The following PSMD11 variants were observed in gnomAD, a reference collection of about 807,000 sequenced individuals.
PSMD11 encodes proteasome 26S subunit, non-ATPase 11.
Under a neutral mutation model 62.3 loss-of-function variants are expected in PSMD11, and 5 were observed. The observed-to-expected ratio is 0.08, with a 90% confidence interval of 0.04 to 0.17. The LOEUF (loss-of-function observed/expected upper bound fraction) is 0.17, where lower values mean the gene tolerates loss of function less well. Ranked by LOEUF, PSMD11 falls within the 10% of genes least tolerant of loss-of-function variation. The pLI, the probability that PSMD11 is intolerant of heterozygous loss-of-function variation, is 1.00. For missense variants in PSMD11, 310 were observed against 512.9 expected, an observed-to-expected ratio of 0.60 and a Z score of 3.82; for synonymous variants, 191 against 191.8, an observed-to-expected ratio of 1.00 and a Z score of 0.03.
intron 5 of PSMD11, among the ~76,000 whole-genome samples, chr17:32,465,117 A>T (rs1252949621): frequency 3.4e-5 from 5 of 148,832 alleles, no homozygotes; most frequent in South Asian, 2.1e-4. Context: ...CTATCTATTT[A>T]TTATTATTAT....
At chr17:32,451,477 C>G (rs4477772) in intron 2 of PSMD11, among the ~76,000 whole-genome samples, 2 of 152,048 alleles carry the variant, frequency 1.3e-5, no homozygotes, top group African/African-American at 4.8e-5. Context: ...ATATATTATT[C>G]TGAGAAAAAT....
chr17:32,445,757 C>T (rs1163067008), intron 1 of PSMD11: 1 of 152,138 alleles, frequency 6.6e-6, no homozygotes, highest in Non-Finnish European at 1.5e-5. Context: ...TTTTGGTATT[C>T]CAGACCTGCA....
In PSMD11 at chr17:32,477,364, T is replaced by TG. The variant is rs1321176661; in HGVS notation, c.850-156dup. On this transcript the variant is annotated intron_variant, in intron 8 of 13. Coordinates refer to ENST00000261712, the MANE Select transcript of PSMD11 (RefSeq NM_002815.4). ...TTGGCATATAGTGGTATTCAGTACT[T>TG]GCGGCTCTTCTTCCCGGGCGTCTGA... 4.6e-5 allele frequency: 24 copies of TG among 526,050 alleles called. 1 individual carries two copies. The highest frequency in any genetic ancestry group is 2.3e-4 in the African/African-American group (12 of 51,848). The allele number at this position is 526,050 out of a possible 1,614,324, so 32.6% of individuals were successfully genotyped here.
chr17:32,479,093 A>G (rs1020031935), intron 9 of PSMD11, among the ~76,000 whole-genome samples, 158 bp from the exon 10 acceptor site: 1 of 152,068 alleles, frequency 6.6e-6, no homozygotes, highest in African/African-American at 2.4e-5. Context: ...AGTTCTTGAC[A>G]TTCCTTTTCT....
In PSMD11 at chr17:32,450,498, C is replaced by T. The variant is rs1365039524; in HGVS notation, c.193+3452C>T. On this transcript the variant is annotated intron_variant, in intron 2 of 13. Coordinates refer to ENST00000261712, the MANE Select transcript of PSMD11 (RefSeq NM_002815.4). ...GCCAGGCTGGTCTTGGACTCCTGAC[C>T]TCAGGTGATCCACCCGCCTTGGCCT... 3.0e-4 allele frequency among the ~76,000 whole-genome samples: 46 copies of T among 151,032 alleles called. No homozygotes were observed. In the Admixed American group the frequency reaches 3.0e-3, roughly 10 times the overall value.
At chr17:32,448,321 A>G (rs1350577048) in intron 2 of PSMD11, among the ~76,000 whole-genome samples, 1 of 152,150 alleles carries the variant, frequency 6.6e-6, no homozygotes, top group Admixed American at 6.5e-5. Flanking sequence ...AGCTATAAAA[A>G]GAACCATCCA....
intron 2 of PSMD11, among the ~76,000 whole-genome samples, chr17:32,448,443 C>G (rs984888272): frequency 6.6e-6 from 1 of 152,000 alleles, no homozygotes; most frequent in East Asian, 1.9e-4. Flanking sequence ...TCTCGGCTCA[C>G]TGCAACCTCT....
Position 32,444,580 on chromosome 17 carries a change from C to T in PSMD11, c.57C>T (p.Asp19=). Residue 19 remains aspartate, a synonymous_variant, in exon 1 of 14, where the codon GAC becomes GAT. Coordinates refer to ENST00000261712, the MANE Select transcript of PSMD11 (RefSeq NM_002815.4). The part of the protein sequence containing the change: ...FQRAQSLLST[D]REASIDILHS... ...GAGCCCAGTCTCTACTCAGCACCGA[C>T]CGGGAGGCCTCCATCGACATCCTCC... 6.2e-7 allele frequency: 1 copy of T among 1,611,814 alleles called. No homozygotes were observed. The highest frequency in any genetic ancestry group is 8.5e-7 in the Non-Finnish European group (1 of 1,179,342).
intron 3 of PSMD11, among the ~76,000 whole-genome samples, chr17:32,461,287 C>T (rs969271938): frequency 2.0e-5 from 3 of 152,150 alleles, no homozygotes; most frequent in Non-Finnish European, 4.4e-5. Flanking sequence ...CTGTGTTGGC[C>T]AGACTGGTCT....
In PSMD11 at chr17:32,481,554, T is replaced by A. The variant is rs1908494955; in HGVS notation, c.*802T>A. On this transcript the variant is annotated 3_prime_UTR_variant, in exon 14 of 14. Coordinates refer to ENST00000261712, the MANE Select transcript of PSMD11 (RefSeq NM_002815.4). ...TAAACTAGATTAGTCGTCAGTGTTTTAATTGCCCCTCTTCTCCTCTCCTGC... is the reference window on the plus strand; with the variant it reads ...TAAACTAGATTAGTCGTCAGTGTTTAAATTGCCCCTCTTCTCCTCTCCTGC... 1 of 151,952 alleles carries A rather than the reference T, an allele frequency of 6.6e-6. No individual in the cohort carries two copies. The highest frequency in any genetic ancestry group is 2.4e-5 in the African/African-American group (1 of 41,336). 9.4% of individuals were successfully genotyped at this position (151,952 alleles called of 1,614,324 possible).
intron 5 of PSMD11, among the ~76,000 whole-genome samples, chr17:32,467,391 G>A (rs568275950): frequency 9.2e-5 from 14 of 151,706 alleles, no homozygotes; most frequent in East Asian, 7.8e-4. Flanking sequence ...GATTATAGGC[G>A]TGCACCACCA....
chr17:32,480,105 T>C (rs1309961616), intron 11 of PSMD11, 41 bp from the exon 12 acceptor site: 2 of 1,592,284 alleles, frequency 1.3e-6, no homozygotes, highest in African/African-American at 1.3e-5. Flanking sequence ...GATCTCTGAC[T>C]AGTGGATACT....
rs865847216 is a variant in PSMD11 at position 32,446,816 on chromosome 17, T to G, written c.92-129T>G. ...TTCCTGGCTTAGAGTTTTTTTTTTT[T>G]TTTTAACTCTAGAATTTGTCTTTTG... On this transcript the variant is annotated intron_variant, in intron 1 of 13. Transcript: ENST00000261712. The G allele has an allele frequency of 1.2e-5, 6 of 484,508 alleles. No individual in the cohort carries two copies. In the Middle Eastern group the frequency reaches 1.2e-3, roughly 95 times the overall value. 30.0% of individuals were successfully genotyped at this position (484,508 alleles called of 1,614,324 possible). A position where few individuals can be genotyped will look rare whatever the true frequency, so the allele number is the denominator to read the frequency against.
At chr17:32,448,024 G>A (rs908190528) in intron 2 of PSMD11, among the ~76,000 whole-genome samples, 2 of 151,772 alleles carry the variant, frequency 1.3e-5, no homozygotes, top group African/African-American at 4.8e-5. Flanking sequence ...GGAATTACAG[G>A]CACGCGCCAC....
intron 3 of PSMD11, among the ~76,000 whole-genome samples, chr17:32,460,755 CAAAA>C (rs397939444): frequency 8.1e-6 from 1 of 124,128 alleles, no homozygotes; most frequent in Admixed American, 8.3e-5. Context: ...GACACTGTCT[CAAAA>C]AAAAAAAAAA....
rs555229692 is a variant in PSMD11 at position 32,454,459 on chromosome 17, A to T, written c.194-36A>T. The T allele has an allele frequency of 3.1e-5, 49 of 1,606,010 alleles. 1 individual carries two copies. In the South Asian group the frequency reaches 5.1e-4, roughly 17 times the overall value. The stretch of plus-strand genomic sequence containing the variant: ...AGTGGGTATTTTGTCTCAAATGTTG[A>T]TGTTTACTCCTCTTTTTGAATTGCC... On this transcript the variant is annotated intron_variant, in intron 2 of 13. Transcript: ENST00000261712.
Position 32,469,209 on chromosome 17 carries a change from A to G in PSMD11, c.643+16A>G. On this transcript the variant is annotated intron_variant, in intron 6 of 13. Coordinates refer to ENST00000261712, the MANE Select transcript of PSMD11 (RefSeq NM_002815.4). The stretch of plus-strand genomic sequence containing the variant: ...ATGCAGTCGGGTAACAGACGTAGCT[A>G]TTCCTGGGATGTGTTTTCTTAAAGC... The G allele has an allele frequency of 1.9e-6, 3 of 1,604,608 alleles. No homozygotes were observed. The highest frequency in any genetic ancestry group is 2.2e-5 in the East Asian group (1 of 44,698).
chr17:32,464,626 T>G (rs778364775), intron 5 of PSMD11, 48 bp downstream of exon 5: 1 of 1,445,258 alleles, frequency 6.9e-7, no homozygotes, highest in South Asian at 1.2e-5. Flanking sequence ...ATGAATGTAT[T>G]CTAAACCACC....
chr17:32,465,345 T>C (rs945464359), intron 5 of PSMD11, among the ~76,000 whole-genome samples: 2 of 152,204 alleles, frequency 1.3e-5, no homozygotes, highest in Admixed American at 1.3e-4. Flanking sequence ...ACTACTGACC[T>C]CAAGTGATCT....
Sources: gnomAD v4.1 joint callset for allele counts (sites outside exome capture counted in the v4.1 genomes callset) on GRCh38, gnomAD v4.1.1 for gene constraint, MANE v1.5 for transcripts, NCBI Gene and HGNC (gene_info 2026-07-23, HGNC 2026-07-21) for gene names.